The following PKD1L1 variants were observed in gnomAD, a reference collection of about 807,000 sequenced individuals.
The protein encoded by PKD1L1 is polycystin 1 like 1, transient receptor potential channel interacting, also known as polycystin-1-like protein 1.
A neutral mutation model predicts 323.4 loss-of-function variants in PKD1L1; 236 were observed. The ratio of observed to expected loss-of-function variants is 0.73; its 90% CI spans 0.66 to 0.81. The LOEUF (loss-of-function observed/expected upper bound fraction) is 0.81. PKD1L1 is among the 40% of genes least tolerant of loss of function. The pLI, the probability that PKD1L1 is intolerant of heterozygous loss-of-function variation, is 0.00. For missense variants in PKD1L1, 3,320 were observed against 3,508.0 expected (o/e 0.95, Z 1.35); for synonymous variants, 1,344 against 1,335.0 (o/e 1.01, Z -0.15).
At position 47,911,993 on chromosome 7, in the gene PKD1L1, T is replaced by C. The variant is rs1214793861; in HGVS notation, c.1228+3439A>G. ...CAGGAAAGAAGAAGGGAGGGAAGGA[T>C]AAAGGGAGAAAAGGAGGGAGAAAAG... On this transcript the variant is annotated intron_variant, in intron 8 of 56. Transcript: ENST00000289672. 4.9e-5 allele frequency among the ~76,000 whole-genome samples: 7 copies of C among 144,162 alleles called. No individual in the cohort carries two copies. The South Asian group carries it at 1.1e-3, about 23-fold the overall frequency. 94.6% of individuals were successfully genotyped at this position (144,162 alleles called of 152,430 possible). A position where few individuals can be genotyped will look rare whatever the true frequency, so the allele number is the denominator to read the frequency against.
chr7:47,894,131 T>C, intron 14 of PKD1L1, 72 bp from the exon 15 acceptor site: 1 of 1,393,778 alleles, frequency 7.2e-7, no homozygotes, highest in Non-Finnish European at 9.7e-7. Context: ...AACACACTAG[T>C]CTGAAAATTA....
At chr7:47,959,704 T>C in the PKD1L1 span, among the ~76,000 whole-genome samples, 2 of 130,048 alleles carry the variant, frequency 1.5e-5, no homozygotes, top group Admixed American at 7.6e-5. Context: ...GGTGGGGGGG[T>C]CAGCCCCCCG....
In PKD1L1 at chr7:47,897,890, C is replaced by A. The variant is rs16881635; in HGVS notation, c.2271+98G>T. The stretch of plus-strand genomic sequence containing the variant: ...TTAAACAACCTCCCTTTTCCTGGAT[C>A]GAACAGGTGTTGAATTCCAAATGCT... On this transcript the variant is annotated intron_variant, in intron 14 of 56. Transcript: ENST00000289672. 5.5e-3 allele frequency: 5,296 copies of A among 954,446 alleles called. 199 individuals carry two copies. In the African/African-American group the frequency reaches 0.079, roughly 14 times the overall value. The allele number at this position is 954,446 out of a possible 1,614,324, so 59.1% of individuals were successfully genotyped here.
chr7:47,792,169 G>C (rs574525582), intron 56 of PKD1L1, among the ~76,000 whole-genome samples: 156 of 152,258 alleles, frequency 1.0e-3, no homozygotes, highest in African/African-American at 3.6e-3. Flanking sequence ...GGCCTTTGTT[G>C]GCTCCTCCAG....
intron 56 of PKD1L1, among the ~76,000 whole-genome samples, chr7:47,784,575 C>T (rs923331617): frequency 6.6e-6 from 1 of 152,058 alleles, no homozygotes; most frequent in African/African-American, 2.4e-5. Flanking sequence ...CAGGCTCAAG[C>T]AATTCTCCTG....
chr7:47,884,295 G>A (rs1454935484), intron 19 of PKD1L1, among the ~76,000 whole-genome samples: 1 of 152,182 alleles, frequency 6.6e-6, no homozygotes, highest in African/African-American at 2.4e-5. Context: ...TAGGAAGGAC[G>A]TGGAGGAAGG....
chr7:47,832,503 T>C (rs1180927026), intron 41 of PKD1L1, among the ~76,000 whole-genome samples: 1 of 152,218 alleles, frequency 6.6e-6, no homozygotes, highest in Non-Finnish European at 1.5e-5. Flanking sequence ...TGCCAGTCAC[T>C]GTGAACAAGC....
intron 14 of PKD1L1, among the ~76,000 whole-genome samples, chr7:47,895,868 T>A (rs1786924698): frequency 6.6e-6 from 1 of 152,110 alleles, no homozygotes; most frequent in Admixed American, 6.5e-5. Context: ...GGTTGTAGAG[T>A]TGTAATTGTT....
intron 1 of PKD1L1, among the ~76,000 whole-genome samples, chr7:47,944,551 C>CCTGGTT (rs1788059166): frequency 6.6e-6 from 1 of 152,232 alleles, no homozygotes; most frequent in African/African-American, 2.4e-5. Flanking sequence ...AACGTTTAAA[C>CCTGGTT]CTGGTTCTCA....
At chr7:47,906,091 A>C in intron 9 of PKD1L1, 129 bp from the exon 10 acceptor site, 4 of 873,214 alleles carry the variant, frequency 4.6e-6, no homozygotes. Flanking sequence ...TCAAAATTCT[A>C]AGCATGTGCT....
At chr7:47,915,188 G>A (rs1368867689) in intron 8 of PKD1L1, among the ~76,000 whole-genome samples, 2 of 152,216 alleles carry the variant, frequency 1.3e-5, no homozygotes, top group Non-Finnish European at 2.9e-5. Context: ...AGAGGCGCGT[G>A]GGAATGAGAC....
At chr7:47,882,113 G>A (rs1430896122) in intron 19 of PKD1L1, 28 bp from the exon 20 acceptor site, 5 of 1,604,736 alleles carry the variant, frequency 3.1e-6, no homozygotes, top group East Asian at 2.2e-5. Flanking sequence ...GCCAATAGAT[G>A]TTAAAGAAAA....
intron 56 of PKD1L1, among the ~76,000 whole-genome samples, chr7:47,785,949 CCAAGCT>C (rs1786797808): frequency 6.6e-6 from 1 of 152,026 alleles, no homozygotes; most frequent in African/African-American, 2.4e-5. Flanking sequence ...ACTACGTTGA[CCAAGCT>C]GGTCTCGAAC....
Position 47,839,644 on chromosome 7 carries a change from G to C in PKD1L1, c.5571C>G (p.Gly1857=). Residue 1857 remains glycine (G), a synonymous_variant, in exon 36 of 57, where the codon GGC becomes GGG. Transcript: ENST00000289672. This position sits in a 1 kb window ranked among gnomAD's most constrained non-coding sequence, Gnocchi z 4.3. ...GCCAGAGGCGGATCTTCCTCAGCAG[G>C]CCCAGTTGGGCAGGAGCGCTGGAGG... is the stretch of plus-strand genomic sequence containing the variant. The part of the protein sequence containing the change: ...TFILSAPAQL[G]LLRKIRLWHD... 2 of 1,570,820 alleles carry C rather than the reference G, an allele frequency of 1.3e-6. No individual in the cohort carries two copies. The highest frequency in any genetic ancestry group is 1.7e-6 in the Non-Finnish European group (2 of 1,157,594).
At chr7:47,821,993 G>A (rs912191861) in intron 45 of PKD1L1, among the ~76,000 whole-genome samples, 2 of 151,948 alleles carry the variant, frequency 1.3e-5, no homozygotes, top group Admixed American at 1.3e-4. Flanking sequence ...CCGGCCCCCA[G>A]CACCATTTTT....
chr7:47,850,513 TCTCAG>T (rs1342795968), intron 31 of PKD1L1, among the ~76,000 whole-genome samples: 2 of 150,938 alleles, frequency 1.3e-5, no homozygotes, highest in African/African-American at 2.4e-5. Context: ...ATGCCTGTAA[TCTCAG>T]CTACCCACAA....
rs35645229 is a variant in PKD1L1 at position 47,822,434 on chromosome 7, C to CA, written c.6855-1249dup. On this transcript the variant is annotated intron_variant, in intron 45 of 56. Coordinates refer to ENST00000289672, the MANE Select transcript of PKD1L1 (RefSeq NM_138295.5). Reference sequence around the variant, plus strand: ...TGAAACCCCATCTCTACTAAAAATACAAAAAAAAAAAAGAGCCAGGCATGG... The same window carrying CA: ...TGAAACCCCATCTCTACTAAAAATACAAAAAAAAAAAAAGAGCCAGGCATGG... Among the ~76,000 whole-genome samples, 1,277 of 145,602 alleles carry CA rather than the reference C, an allele frequency of 8.8e-3. 18 individuals are homozygous for CA. Among genetic ancestry groups the CA allele is most frequent in the African/African-American group, 0.026 (1,014 of 39,570 alleles).
intron 2 of PKD1L1, among the ~76,000 whole-genome samples, 200 bp downstream of exon 2, chr7:47,943,196 A>ATG (rs1554417340): frequency 1.4e-3 from 190 of 134,884 alleles, no homozygotes; most frequent in South Asian, 3.5e-3. Flanking sequence ...ATATATATAT[A>ATG]TGTGTGTGTA....
rs566415693 is a variant in PKD1L1, at chr7:47,829,620, C to T, written c.6559-19G>A. ...GGCATACCTGGAAGGAAAAACATGA[C>T]AGCGCAGAGAGCCGCCCTATGTCTG... On this transcript the variant is annotated intron_variant, in intron 43 of 56. Coordinates refer to ENST00000289672, the MANE Select transcript of PKD1L1 (RefSeq NM_138295.5). 2 of 1,595,342 alleles carry T rather than the reference C, an allele frequency of 1.3e-6. No homozygotes were observed. Among genetic ancestry groups the T allele is most frequent in the East Asian group, 2.2e-5 (1 of 44,728 alleles).
Sources: gnomAD v4.1 joint callset for allele counts (sites outside exome capture counted in the v4.1 genomes callset) on GRCh38, gnomAD v4.1.1 for gene constraint, Gnocchi (gnomAD v3.1) non-coding constraint, MANE v1.5 for transcripts, NCBI Gene and HGNC (gene_info 2026-07-23, HGNC 2026-07-21) for gene names.